The following MME variants were observed in gnomAD, a reference collection of about 807,000 sequenced individuals.
The protein encoded by MME is neprilysin.
Under a neutral mutation model 113.2 loss-of-function variants are expected in MME, and 98 were observed. The observed-to-expected ratio is 0.87, with a 90% CI of 0.74 to 1.02. MME has a LOEUF of 1.02. Among genes scored for constraint, MME ranks in the 50% least tolerant of loss-of-function variants. The pLI, the probability that MME is intolerant of heterozygous loss-of-function variation, is 0.00. For synonymous variants in MME, 292 were observed against 300.6 expected, an observed-to-expected ratio of 0.97 and a Z score of 0.30; for missense variants, 836 against 896.0, an observed-to-expected ratio of 0.93 and a Z score of 0.86.
chr3:155,149,817 T>G (rs939991172), intron 16 of MME, among the ~76,000 whole-genome samples: 1 of 152,216 alleles, frequency 6.6e-6, no homozygotes, highest in Non-Finnish European at 1.5e-5. Context: ...AACACTGACG[T>G]GTCCTGAAAG....
At chr3:155,077,550 A>G (rs1181028312), upstream of MME, among the ~76,000 whole-genome samples, 1 of 152,124 alleles carries the variant, frequency 6.6e-6, no homozygotes. Context: ...ACAAACAAAC[A>G]ACAACAACAA....
At chr3:155,050,487 A>G (rs1713724083) in intron 1 of MME, among the ~76,000 whole-genome samples, 1 of 152,116 alleles carries the variant, frequency 6.6e-6, no homozygotes, top group African/African-American at 2.4e-5. Flanking sequence ...CAACCTTGCC[A>G]GTATGTTATT....
At chr3:155,100,749 G>A (rs1388213126) in intron 3 of MME, among the ~76,000 whole-genome samples, 1 of 152,156 alleles carries the variant, frequency 6.6e-6, no homozygotes, top group Non-Finnish European at 1.5e-5. Context: ...GCTGAGTGCT[G>A]TGGCACACAC....
At chr3:155,102,163 A>G (rs1402147215) in intron 3 of MME, among the ~76,000 whole-genome samples, 5 of 152,226 alleles carry the variant, frequency 3.3e-5, no homozygotes, top group African/African-American at 1.2e-4. Flanking sequence ...AAAAGAAGCT[A>G]GTATCAGAAT....
At chr3:155,065,887 C>T (rs1714367172) in intron 1 of MME, among the ~76,000 whole-genome samples, 2 of 152,202 alleles carry the variant, frequency 1.3e-5, no homozygotes, top group African/African-American at 4.8e-5. Flanking sequence ...GATATATACA[C>T]TGATGTTCCA....
At chr3:155,112,206 A>G (rs545206679) in intron 3 of MME, 1 of 152,332 alleles carries the variant, frequency 6.6e-6, no homozygotes, top group East Asian at 1.9e-4. Context: ...ATGAATTTGC[A>G]TGCGAAAAAT....
At chr3:155,164,303 G>GGA (rs1249467566) in intron 17 of MME, among the ~76,000 whole-genome samples, 1 of 152,120 alleles carries the variant, frequency 6.6e-6, no homozygotes, top group Non-Finnish European at 1.5e-5. Context: ...AGGGGGAAGA[G>GGA]GAGACATGGT....
At position 155,157,022 on chromosome 3, in the gene MME, C is replaced by T. The variant is rs185057046; in HGVS notation, c.1602-3368C>T. 1.2e-4 allele frequency among the ~76,000 whole-genome samples: 19 copies of T among 152,116 alleles called. 1 individual carries two copies. The East Asian group carries it at 3.7e-3, about 29-fold the overall frequency. On this transcript the variant is annotated intron_variant, in intron 16 of 22. Transcript: ENST00000360490. ...GCACACTTTCATCAGCACTAAGCTT[C>T]TTCAGGGCAATAAGAGATAGAAGAG... is the stretch of plus-strand genomic sequence containing the variant.
intron 3 of MME, among the ~76,000 whole-genome samples, chr3:155,109,065 G>C (rs528665759): frequency 6.6e-6 from 1 of 152,140 alleles, no homozygotes; most frequent in Admixed American, 6.5e-5. Flanking sequence ...TCTTCTGAGA[G>C]GCCTATGAGC....
intron 3 of MME, among the ~76,000 whole-genome samples, chr3:155,088,696 A>G (rs894633079): frequency 1.6e-4 from 24 of 151,780 alleles, no homozygotes; most frequent in Non-Finnish European, 3.5e-4. Flanking sequence ...AAAAAAAAAA[A>G]AAAGAAAAGA....
At chr3:155,142,919 G>C (rs1721226842) in intron 12 of MME, among the ~76,000 whole-genome samples, 1 of 152,062 alleles carries the variant, frequency 6.6e-6, no homozygotes, top group Admixed American at 6.6e-5. Context: ...AAAATTTCTA[G>C]TTTTTATCCT....
At chr3:155,062,470 C>A (rs1714182208) in intron 1 of MME, among the ~76,000 whole-genome samples, 1 of 152,122 alleles carries the variant, frequency 6.6e-6, no homozygotes, top group East Asian at 1.9e-4. Context: ...CCTTCATTAC[C>A]AACAAGAGGC....
At chr3:155,069,107 A>AG (rs1714472992) in intron 1 of MME, among the ~76,000 whole-genome samples, 1 of 152,154 alleles carries the variant, frequency 6.6e-6, no homozygotes, top group Admixed American at 6.5e-5. Context: ...TGAAAGGAAA[A>AG]GGGGGGAATA....
intron 3 of MME, among the ~76,000 whole-genome samples, chr3:155,101,886 T>C (rs1717260732): frequency 5.3e-5 from 8 of 152,182 alleles, no homozygotes; most frequent in Admixed American, 5.2e-4. Context: ...GATGAATGTT[T>C]TACATGGAAA....
At position 155,143,453 on chromosome 3, in the gene MME, G is replaced by A; in HGVS notation, c.1199G>A (p.Gly400Asp). 6.2e-7 allele frequency: 1 copy of A among 1,612,190 alleles called. No homozygotes were observed. The highest frequency in any genetic ancestry group is 2.2e-5 in the East Asian group (1 of 44,818). ...TTTTCTTTTCCGTAGGCCCTTTATGGTACAACCTCAGAAACAGCAACTTGG... is the reference window on the plus strand; with the variant it reads ...TTTTCTTTTCCGTAGGCCCTTTATGATACAACCTCAGAAACAGCAACTTGG... ...SRNAFRKALY[G>D]TTSETATWRR... Residue 400 changes from glycine (G) to aspartate (D), a missense_variant, in exon 13 of 23, where the codon GGT (glycine) becomes GAT (aspartate). Coordinates refer to ENST00000360490, the MANE Select transcript of MME (RefSeq NM_007289.4).
intron 1 of MME, among the ~76,000 whole-genome samples, chr3:155,061,251 G>A (rs113439782): frequency 0.019 from 2,821 of 152,180 alleles, 93 homozygotes; most frequent in African/African-American, 0.065. Context: ...TGGAGATAGA[G>A]ACCATCCTGG....
intron 8 of MME, among the ~76,000 whole-genome samples, chr3:155,128,649 C>T (rs544371919): frequency 1.3e-5 from 2 of 152,244 alleles, no homozygotes; most frequent in South Asian, 4.1e-4. Flanking sequence ...TTTCCTAGCA[C>T]CCAGGTTTCT....
intron 3 of MME, among the ~76,000 whole-genome samples, chr3:155,107,430 T>C (rs1231051128): frequency 1.3e-5 from 2 of 152,146 alleles, no homozygotes; most frequent in Non-Finnish European, 2.9e-5. Context: ...GTATGTATGT[T>C]GTAAATAGAT....
At chr3:155,118,987 A>C (rs1450950234) in intron 8 of MME, among the ~76,000 whole-genome samples, 176 bp downstream of exon 8, 4 of 152,242 alleles carry the variant, frequency 2.6e-5, no homozygotes, top group Non-Finnish European at 5.9e-5. Flanking sequence ...CATTCTCAAT[A>C]GAATGAATGA....
Sources: gnomAD v4.1 joint callset for allele counts (sites outside exome capture counted in the v4.1 genomes callset) on GRCh38, gnomAD v4.1.1 for gene constraint, MANE v1.5 for transcripts, NCBI Gene and HGNC (gene_info 2026-07-23, HGNC 2026-07-21) for gene names.